Variants in MORN4 observed in about 807,000 individuals in gnomAD.
MORN4 encodes the protein MORN repeat-containing protein 4.
Under a neutral mutation model 16.4 loss-of-function variants are expected in MORN4, and 8 were observed. The observed-to-expected ratio is 0.49, with a 90% CI of 0.29 to 0.88. MORN4 has a LOEUF of 0.88. MORN4 is among the 40% of genes least tolerant of loss of function. The pLI is 0.09. For missense variants in MORN4, 159 were observed against 182.9 expected (o/e 0.87, Z 0.75); for synonymous variants, 53 against 68.9 (o/e 0.77, Z 1.14).
chr10:97,621,617 C>T (rs2041294382), intron 1 of MORN4, among the ~76,000 whole-genome samples: 1 of 152,148 alleles, frequency 6.6e-6, no homozygotes, highest in African/African-American at 2.4e-5. Flanking sequence ...CGGTGGCTCA[C>T]GCCTGTAATC....
chr10:97,620,510 A>G, intron 1 of MORN4, among the ~76,000 whole-genome samples: 1 of 137,984 alleles, frequency 7.2e-6, no homozygotes, highest in South Asian at 2.1e-4. Flanking sequence ...AAAAAAAAGA[A>G]AAAAAAAAGA....
intron 4 of MORN4, 66 bp downstream of exon 4, chr10:97,616,612 A>G: frequency 7.2e-7 from 1 of 1,385,474 alleles, no homozygotes; most frequent in South Asian, 1.2e-5. Flanking sequence ...GATTAAAACT[A>G]AACAGGTATA....
At chr10:97,618,086 G>T (rs557830322) in intron 2 of MORN4, among the ~76,000 whole-genome samples, 9 of 152,166 alleles carry the variant, frequency 5.9e-5, no homozygotes, top group Non-Finnish European at 1.0e-4. Context: ...GCTGAGGCAG[G>T]AGAATCGCTT....
At position 97,633,062 on chromosome 10, in the gene MORN4, C is replaced by T. The variant is rs1244405544; in HGVS notation, c.-31+285G>A. On this transcript the variant is annotated intron_variant, in intron 1 of 4. Transcript: ENST00000307450. This position sits in a 1 kb window ranked among gnomAD's most constrained non-coding sequence, Gnocchi z 4.5. Reference sequence around the variant, plus strand: ...CTTCCTGCTATCCGGGCCCGCTCTCCCGCCCGGCAGGGTCTAACGCTCACA... The same window carrying T: ...CTTCCTGCTATCCGGGCCCGCTCTCTCGCCCGGCAGGGTCTAACGCTCACA... Among the ~76,000 whole-genome samples the T allele has an allele frequency of 6.6e-6, 1 of 152,142 alleles. No homozygotes were observed. Among genetic ancestry groups the T allele is most frequent in the East Asian group, 1.9e-4 (1 of 5,188 alleles).
At position 97,616,333 on chromosome 10, in the gene MORN4, C is replaced by T. The variant is rs745392717; in HGVS notation, c.371G>A (p.Arg124His). 2.7e-5 allele frequency: 43 copies of T among 1,613,188 alleles called. No homozygotes were observed. Among genetic ancestry groups the T allele is most frequent in the Admixed American group, 1.7e-4 (10 of 59,804 alleles). ...GLFENNKLLR[R>H]EKCSAIVQRA... ...CTGAACAATGGCAGAACACTTCTCA[C>T]GTCGCAGCAGCTTGTTGTTCTCAAA... The change falls in exon 5 of 5, where the codon CGT becomes CAT. Residue 124 changes from arginine (R) to histidine (H), a missense_variant. By Grantham distance (29) the Arg-to-His change is conservative. Coordinates refer to ENST00000307450, the MANE Select transcript of MORN4 (RefSeq NM_178832.4).
intron 1 of MORN4, among the ~76,000 whole-genome samples, chr10:97,632,950 A>G (rs1246820894): frequency 9.9e-5 from 15 of 152,078 alleles, no homozygotes; most frequent in African/African-American, 4.8e-5. Context: ...CACCAGTGAG[A>G]TAAAGGCGGG....
At position 97,632,212 on chromosome 10, in the gene MORN4, C is replaced by CTTTT. The variant is rs1162979185; in HGVS notation, c.-31+1131_-31+1134dup. ...GAACAAAAAGTCAAATAATACTCCC[C>CTTTT]TTTTTTTTTTTTTTTTTTTTTTTTG... On this transcript the variant is annotated intron_variant, in intron 1 of 4. Transcript: ENST00000307450. 4.0e-3 allele frequency among the ~76,000 whole-genome samples: 344 copies of CTTTT among 86,970 alleles called. 23 individuals are homozygous for CTTTT. Among genetic ancestry groups the CTTTT allele is most frequent in the African/African-American group, 0.011 (231 of 20,096 alleles). The allele number at this position is 86,970 out of a possible 152,430, so 57.1% of individuals were successfully genotyped here.
chr10:97,631,444 T>C (rs1018073413), intron 1 of MORN4, among the ~76,000 whole-genome samples: 50 of 152,330 alleles, frequency 3.3e-4, no homozygotes, highest in African/African-American at 1.1e-3. Context: ...TTCATTTTCT[T>C]TTGTCCCAGA....
rs1374997471 is a variant in MORN4 at position 97,615,154 on chromosome 10, C to T, written c.*1109G>A. 6.6e-6 allele frequency: 1 copy of T among 152,614 alleles called. No individual in the cohort carries two copies. The highest frequency in any genetic ancestry group is 1.5e-5 in the Non-Finnish European group (1 of 68,058). The allele number at this position is 152,614 out of a possible 1,614,324, so 9.5% of individuals were successfully genotyped here. ...AAGTTGATGAAAGAAGACAGCCTGT[C>T]TTCTAAAGGGAGGAGGAAATAGCAC... On this transcript the variant is annotated 3_prime_UTR_variant, in exon 5 of 5. Transcript: ENST00000307450.
chr10:97,616,799 C>T lies in MORN4; in HGVS notation c.183-12G>A. Reference sequence around the variant, plus strand: ...ACTCCCCCTCATACCTGCAGAAACACCAAGAAGTTAGCCTTCAGTGGAAAG... The same window carrying T: ...ACTCCCCCTCATACCTGCAGAAACATCAAGAAGTTAGCCTTCAGTGGAAAG... On this transcript the variant is annotated splice_polypyrimidine_tract_variant and intron_variant, in intron 3 of 4. Transcript: ENST00000307450. 1.3e-6 allele frequency: 2 copies of T among 1,589,176 alleles called. No individual in the cohort carries two copies. The highest frequency in any genetic ancestry group is 1.7e-6 in the Non-Finnish European group (2 of 1,157,330).
At chr10:97,631,529 G>A (rs10786360) in intron 1 of MORN4, among the ~76,000 whole-genome samples, 27,302 of 151,144 alleles carry the variant, frequency 0.18, 2,586 homozygotes, top group Non-Finnish European at 0.21. Flanking sequence ...TTTTGTTTCC[G>A]TTCTTTTTAT....
chr10:97,616,830 T>A, intron 3 of MORN4, 43 bp from the exon 4 acceptor site: 1 of 1,384,634 alleles, frequency 7.2e-7, no homozygotes, highest in Non-Finnish European at 1.0e-6. Context: ...GAAAGTTAGC[T>A]GTCCAGATGA....
At chr10:97,618,792 T>TTA (rs2041262270) in intron 2 of MORN4, among the ~76,000 whole-genome samples, 2 of 151,590 alleles carry the variant, frequency 1.3e-5, no homozygotes. Context: ...TGGTTGTTTT[T>TTA]TTTTTTTTTT....
intron 1 of MORN4, among the ~76,000 whole-genome samples, chr10:97,626,648 G>C (rs1332595871): frequency 6.6e-6 from 1 of 151,684 alleles, no homozygotes; most frequent in African/African-American, 2.4e-5. Flanking sequence ...TAGAGACAGG[G>C]CTTCACCATG....
intron 3 of MORN4, among the ~76,000 whole-genome samples, 183 bp downstream of exon 3, chr10:97,617,025 T>C (rs1284485616): frequency 6.6e-6 from 1 of 152,168 alleles, no homozygotes; most frequent in East Asian, 1.9e-4. Context: ...AGTCACTCAC[T>C]TGGTTGACAT....
At chr10:97,628,375 T>C (rs1589923588) in intron 1 of MORN4, among the ~76,000 whole-genome samples, 1 of 152,336 alleles carries the variant, frequency 6.6e-6, no homozygotes, top group East Asian at 1.9e-4. Flanking sequence ...ATTTATTTAC[T>C]TTTTCTCAAG....
chr10:97,630,913 G>A (rs902665776), intron 1 of MORN4, among the ~76,000 whole-genome samples: 6 of 151,842 alleles, frequency 4.0e-5, no homozygotes, highest in Non-Finnish European at 5.9e-5. Context: ...GTGCAGTGGC[G>A]TCATCTCAGC....
chr10:97,620,488 C>CA (rs1210683127), intron 1 of MORN4, among the ~76,000 whole-genome samples: 1,676 of 40,658 alleles, frequency 0.041, 38 homozygotes, highest in South Asian at 0.065. Context: ...GACTCTGTCT[C>CA]AAAAAAAAAA....
chr10:97,617,881 A>C (rs1163632726), intron 2 of MORN4, among the ~76,000 whole-genome samples: 2 of 151,696 alleles, frequency 1.3e-5, no homozygotes, highest in African/African-American at 4.8e-5. Context: ...AACAAACAAA[A>C]AAACAACTGG....
Sources: allele counts gnomAD v4.1 joint callset (sites outside exome capture counted in the v4.1 genomes callset), GRCh38; gene constraint gnomAD v4.1.1; non-coding constraint Gnocchi (gnomAD v3.1); transcripts MANE v1.5; gene names NCBI Gene and HGNC (gene_info 2026-07-23, HGNC 2026-07-21).